Variants in GPR183 observed in about 807,000 individuals in gnomAD.
GPR183 encodes the protein EBV-induced G-protein coupled receptor 2.
GPR183 carries 9 observed loss-of-function variants against 19.7 expected under a neutral mutation model. The observed-to-expected ratio is 0.46, with a 90% CI of 0.28 to 0.80. GPR183 has a LOEUF of 0.80. Among genes scored for constraint, GPR183 ranks in the 30% least tolerant of loss-of-function variants. The pLI is 0.13. For synonymous variants in GPR183, 160 were observed against 155.1 expected (o/e 1.03, Z -0.24); for missense variants, 368 against 446.7 (o/e 0.82, Z 1.59).
intron 1 of GPR183, among the ~76,000 whole-genome samples, chr13:99,297,465 G>C (rs2044193884): frequency 6.6e-6 from 1 of 152,088 alleles, no homozygotes; most frequent in African/African-American, 2.4e-5. Context: ...TCTCCCTGCT[G>C]TATTAAATGA....
At chr13:99,299,589 C>T (rs2044227568) in intron 1 of GPR183, among the ~76,000 whole-genome samples, 1 of 152,104 alleles carries the variant, frequency 6.6e-6, no homozygotes, top group Non-Finnish European at 1.5e-5. Flanking sequence ...CATTTCTAGT[C>T]AGTGACTGGA....
chr13:99,306,050 C>G (rs937227764), intron 1 of GPR183, among the ~76,000 whole-genome samples: 3 of 152,082 alleles, frequency 2.0e-5, no homozygotes, highest in Non-Finnish European at 2.9e-5. Flanking sequence ...TGAGTGCCAC[C>G]GTGCCTGGCT....
At chr13:99,297,166 G>A (rs982515586) in intron 1 of GPR183, among the ~76,000 whole-genome samples, 1 of 152,064 alleles carries the variant, frequency 6.6e-6, no homozygotes, top group African/African-American at 2.4e-5. Context: ...GAAATTTTAA[G>A]TACTAAATTG....
At chr13:99,303,981 TG>T (rs1167626424) in intron 1 of GPR183, among the ~76,000 whole-genome samples, 4 of 152,176 alleles carry the variant, frequency 2.6e-5, no homozygotes, top group African/African-American at 4.8e-5. Context: ...CGTGTCTGTC[TG>T]TCTGCCTGTT....
intron 1 of GPR183, among the ~76,000 whole-genome samples, chr13:99,297,549 A>G (rs1201342440): frequency 2.6e-5 from 4 of 152,152 alleles, no homozygotes; most frequent in African/African-American, 9.7e-5. Flanking sequence ...TTAGCAGAGG[A>G]TTGTGGTCAT....
intron 1 of GPR183, among the ~76,000 whole-genome samples, chr13:99,303,971 C>T (rs1050678421): frequency 3.3e-5 from 5 of 152,258 alleles, no homozygotes; most frequent in South Asian, 2.1e-4. Flanking sequence ...GCTGCACATC[C>T]GTGTCTGTCT....
chr13:99,300,688 C>T (rs2044245232), intron 1 of GPR183, among the ~76,000 whole-genome samples: 1 of 152,112 alleles, frequency 6.6e-6, no homozygotes, highest in Non-Finnish European at 1.5e-5. Flanking sequence ...GAGATGGTAC[C>T]TTTTTGTATT....
intron 1 of GPR183, among the ~76,000 whole-genome samples, chr13:99,304,476 T>G (rs1299778138): frequency 6.6e-6 from 1 of 152,220 alleles, no homozygotes; most frequent in Non-Finnish European, 1.5e-5. Flanking sequence ...GACCCTATGG[T>G]GTTAATTTCT....
At chr13:99,297,412 C>T (rs1016664634) in intron 1 of GPR183, among the ~76,000 whole-genome samples, 1 of 152,140 alleles carries the variant, frequency 6.6e-6, no homozygotes, top group Non-Finnish European at 1.5e-5. Flanking sequence ...TCCTTAAAGA[C>T]TATCTCTACC....
chr13:99,298,379 A>C (rs898387290), intron 1 of GPR183, among the ~76,000 whole-genome samples: 2 of 152,210 alleles, frequency 1.3e-5, no homozygotes, highest in African/African-American at 4.8e-5. Flanking sequence ...GAAATGAAAA[A>C]ATACACTTCT....
Position 99,296,109 on chromosome 13 carries a change from A to T in GPR183, c.37T>A (p.Ser13Thr). Residue 13 changes from serine (S) to threonine (T), a missense_variant, in exon 2 of 2, where the codon TCT becomes ACT. Ser to Thr is a moderately conservative substitution (Grantham distance 58, BLOSUM62 1). Transcript: ENST00000376414. ...CAGTCATTTCCCTGAGGAGTTGCAG[A>T]GGGCGGAGTAAAATTGTTTGCCATT... ...IQMANNFTPP[S>T]ATPQGNDCDL... is the part of the protein sequence containing the mutation. The T allele has an allele frequency of 6.2e-7, 1 of 1,607,366 alleles. No homozygotes were observed. The highest frequency in any genetic ancestry group is 8.5e-7 in the Non-Finnish European group (1 of 1,175,870).
chr13:99,298,061 A>G (rs2044202879), intron 1 of GPR183, among the ~76,000 whole-genome samples: 1 of 152,206 alleles, frequency 6.6e-6, no homozygotes, highest in Admixed American at 6.5e-5. Context: ...TGAAATTTGC[A>G]TGTAACAGCA....
At chr13:99,297,674 C>A (rs2044196331) in intron 1 of GPR183, among the ~76,000 whole-genome samples, 1 of 151,638 alleles carries the variant, frequency 6.6e-6, no homozygotes, top group South Asian at 2.1e-4. Context: ...ATTTTATTAT[C>A]CAGAAAAGAG....
At chr13:99,303,181 G>T (rs138764148) in intron 1 of GPR183, among the ~76,000 whole-genome samples, 1 of 152,324 alleles carries the variant, frequency 6.6e-6, no homozygotes, top group Non-Finnish European at 1.5e-5. Context: ...ACCAAGTACA[G>T]AGAACTTCTT....
chr13:99,301,874 G>A (rs1368593095), intron 1 of GPR183, among the ~76,000 whole-genome samples: 1 of 152,166 alleles, frequency 6.6e-6, no homozygotes, highest in East Asian at 1.9e-4. Flanking sequence ...ACAGCTTTTG[G>A]TTTTTGCTGA....
At chr13:99,299,126 T>C (rs2044219443) in intron 1 of GPR183, among the ~76,000 whole-genome samples, 1 of 152,228 alleles carries the variant, frequency 6.6e-6, no homozygotes, top group Non-Finnish European at 1.5e-5. Context: ...GTGCCATTGC[T>C]TGCCAGTTTG....
chr13:99,304,752 A>C (rs2044307231), intron 1 of GPR183, among the ~76,000 whole-genome samples: 1 of 152,226 alleles, frequency 6.6e-6, no homozygotes, highest in African/African-American at 2.4e-5. Context: ...CAGGGCACTT[A>C]AGTGACCAAA....
Position 99,295,291 on chromosome 13 carries a change from C to T in GPR183, c.855G>A (p.Ser285=), listed in dbSNP as rs547217462. The T allele has an allele frequency of 5.6e-6, 9 of 1,614,088 alleles. No homozygotes were observed. The highest frequency in any genetic ancestry group is 4.5e-5 in the East Asian group (2 of 44,874). Residue 285 remains serine, a synonymous_variant, in exon 2 of 2, where the codon TCG becomes TCA. Coordinates refer to ENST00000376414, the MANE Select transcript of GPR183 (RefSeq NM_004951.5). The surrounding 1 kb of genome is among the most constrained non-coding windows in gnomAD (Gnocchi z 4.1). ...CTGTAAAGTGCAGAGAAATCTGGAACGAATGTCTTTGGCTACATTCCAGGA... is the reference window on the plus strand; with the variant it reads ...CTGTAAAGTGCAGAGAAATCTGGAATGAATGTCTTTGGCTACATTCCAGGA... ...SNFLECSQRH[S]FQISLHFTVC... is the part of the protein sequence containing the mutation.
chr13:99,302,818 C>T (rs1205230952), intron 1 of GPR183, among the ~76,000 whole-genome samples: 1 of 152,212 alleles, frequency 6.6e-6, no homozygotes, highest in Non-Finnish European at 1.5e-5. Context: ...AACCAACTGT[C>T]ACAGTAGTCA....
Sources: allele counts gnomAD v4.1 joint callset (sites outside exome capture counted in the v4.1 genomes callset), GRCh38; gene constraint gnomAD v4.1.1; non-coding constraint Gnocchi (gnomAD v3.1); transcripts MANE v1.5; gene names NCBI Gene and HGNC (gene_info 2026-07-23, HGNC 2026-07-21).